CAPZA1: variants seen among roughly 807,000 people sequenced by gnomAD.
CAPZA1 encodes capping actin protein of muscle Z-line subunit alpha 1.
CAPZA1 carries 10 observed loss-of-function variants against 40.8 expected under a neutral mutation model. That is an observed-to-expected ratio of 0.25 (90% CI 0.15 to 0.42). CAPZA1 has a LOEUF of 0.42. CAPZA1 is among the 10% of genes least tolerant of loss of function. The probability of loss-of-function intolerance (pLI) is 1.00; values close to 1 mark genes in which losing one functional copy is unlikely to be tolerated. For synonymous variants in CAPZA1, 98 were observed against 115.0 expected (o/e 0.85, Z 0.95); for missense variants, 277 against 353.8 (o/e 0.78, Z 1.74).
intron 1 of CAPZA1, among the ~76,000 whole-genome samples, chr1:112,622,299 A>G (rs1338451954): frequency 2.0e-5 from 3 of 152,036 alleles, no homozygotes; most frequent in Non-Finnish European, 4.4e-5. Context: ...TATAAAGAGG[A>G]AGTTGGGTTT....
chr1:112,644,771 G>T (rs1485032006), intron 1 of CAPZA1, among the ~76,000 whole-genome samples: 1 of 152,028 alleles, frequency 6.6e-6, no homozygotes, highest in Non-Finnish European at 1.5e-5. Context: ...ACCCATTTGT[G>T]GTGAGTCCTA....
intron 1 of CAPZA1, among the ~76,000 whole-genome samples, chr1:112,645,096 G>A (rs1427995505): frequency 6.6e-6 from 1 of 152,236 alleles, no homozygotes; most frequent in East Asian, 1.9e-4. Context: ...CACATAGCCT[G>A]TGGACCTTAG....
intron 1 of CAPZA1, among the ~76,000 whole-genome samples, chr1:112,641,981 T>TA (rs74671105): frequency 0.21 from 31,394 of 150,970 alleles, 4,113 homozygotes; most frequent in East Asian, 0.47. Context: ...ATTTGTTGTT[T>TA]AAAAAAAAAC....
intron 1 of CAPZA1, among the ~76,000 whole-genome samples, chr1:112,628,823 T>G (rs115557328): frequency 1.1e-3 from 171 of 152,356 alleles, no homozygotes; most frequent in African/African-American, 3.8e-3. Flanking sequence ...TTGACTACTA[T>G]TTCTTTCACA....
chr1:112,668,931 A>G (rs1389505688), intron 8 of CAPZA1, among the ~76,000 whole-genome samples: 3 of 152,162 alleles, frequency 2.0e-5, no homozygotes, highest in Non-Finnish European at 4.4e-5. Flanking sequence ...AATAGTTTTG[A>G]CCTCATAGTC....
rs76726860 is a variant in CAPZA1, at chr1:112,649,445, A to G, written c.131A>G (p.Asn44Ser). ...GTTCGGCTACTACTTAATAATGACA[A>G]TCTCCTCAGGGAAGGGGCAGCACAG... is the stretch of plus-strand genomic sequence containing the variant. ...NDVRLLLNND[N>S]LLREGAAHAF... Residue 44 changes from asparagine (N) to serine (S), a missense_variant, in exon 3 of 10, where the codon AAT (asparagine) becomes AGT (serine). Physicochemically the swap from Asn to Ser is conservative, Grantham distance 46. This residue lies in a region of CAPZA1 where 85 missense variants were observed against 76.5 expected (regional missense o/e 1.11). Coordinates refer to ENST00000263168, the MANE Select transcript of CAPZA1 (RefSeq NM_006135.3). 302 of 1,612,832 alleles carry G rather than the reference A, an allele frequency of 1.9e-4. No homozygotes were observed. In the East Asian group the frequency reaches 5.7e-3, roughly 30 times the overall value.
At chr1:112,662,327 G>A (rs141882614) in intron 7 of CAPZA1, among the ~76,000 whole-genome samples, 91 of 149,992 alleles carry the variant, frequency 6.1e-4, no homozygotes, top group African/African-American at 2.2e-3. Context: ...CCCAGGCTGG[G>A]TTAATTTCTA....
chr1:112,660,877 AG>A (rs1259902764), intron 7 of CAPZA1, among the ~76,000 whole-genome samples: 1 of 120,884 alleles, frequency 8.3e-6, no homozygotes, highest in Non-Finnish European at 1.6e-5. Flanking sequence ...AAGGAGGAGA[AG>A]GAGGAGTCTC....
At chr1:112,635,793 A>G (rs1179471507) in intron 1 of CAPZA1, among the ~76,000 whole-genome samples, 1 of 152,116 alleles carries the variant, frequency 6.6e-6, no homozygotes, top group Non-Finnish European at 1.5e-5. Flanking sequence ...GCACTTTAGG[A>G]GGCTGAGGCA....
chr1:112,621,768 T>G (rs1005060540), intron 1 of CAPZA1, among the ~76,000 whole-genome samples: 1 of 149,428 alleles, frequency 6.7e-6, no homozygotes, highest in East Asian at 1.9e-4. Flanking sequence ...ATGGTTTTTT[T>G]TTTTTTTTTT....
chr1:112,661,431 C>G (rs1671605369), intron 7 of CAPZA1, among the ~76,000 whole-genome samples: 1 of 152,214 alleles, frequency 6.6e-6, no homozygotes, highest in Non-Finnish European at 1.5e-5. Context: ...TCTAAGGCTT[C>G]CTTCCCTTCT....
chr1:112,637,605 G>A (rs555368667), intron 1 of CAPZA1, among the ~76,000 whole-genome samples: 5 of 152,272 alleles, frequency 3.3e-5, no homozygotes, highest in African/African-American at 1.2e-4. Flanking sequence ...GTGCCACCAT[G>A]CCCGGCTAAA....
intron 1 of CAPZA1, among the ~76,000 whole-genome samples, chr1:112,622,603 G>T (rs1670698420): frequency 6.6e-6 from 1 of 152,116 alleles, no homozygotes; most frequent in Non-Finnish European, 1.5e-5. Context: ...AGTGTGACTA[G>T]CATATTTTTT....
At chr1:112,658,884 G>T in intron 5 of CAPZA1, 138 bp from the exon 6 acceptor site, 1 of 640,972 alleles carries the variant, frequency 1.6e-6, no homozygotes, top group Non-Finnish European at 2.8e-6. Context: ...CATATCCCAT[G>T]TGCACTATTG....
chr1:112,650,927 T>A (rs1412031317), intron 3 of CAPZA1, among the ~76,000 whole-genome samples: 2 of 152,258 alleles, frequency 1.3e-5, no homozygotes, highest in Non-Finnish European at 2.9e-5. Flanking sequence ...ATTCTGGTTC[T>A]TATAGACTAT....
chr1:112,663,850 G>T (rs989158763), intron 7 of CAPZA1, among the ~76,000 whole-genome samples: 1 of 152,092 alleles, frequency 6.6e-6, no homozygotes, highest in African/African-American at 2.4e-5. Flanking sequence ...CTCTTAGAAA[G>T]CCAAAAGGTA....
intron 7 of CAPZA1, among the ~76,000 whole-genome samples, chr1:112,663,110 G>C (rs183313122): frequency 2.6e-5 from 4 of 151,786 alleles, no homozygotes; most frequent in Non-Finnish European, 5.9e-5. Context: ...GCGTACAGGC[G>C]CATGCCACCA....
chr1:112,660,587 A>G (rs1671586947), intron 7 of CAPZA1, among the ~76,000 whole-genome samples: 1 of 147,984 alleles, frequency 6.8e-6, no homozygotes, highest in Admixed American at 6.7e-5. Context: ...GCCCAGAAGT[A>G]GATTTTTAAT....
intron 1 of CAPZA1, 22 bp downstream of exon 1, chr1:112,619,905 C>T: frequency 1.3e-6 from 2 of 1,593,536 alleles, no homozygotes; most frequent in South Asian, 1.1e-5. Context: ...GCCTCTCTCT[C>T]TTACCTCCTC....
Sources: allele counts gnomAD v4.1 joint callset (sites outside exome capture counted in the v4.1 genomes callset), GRCh38; gene constraint gnomAD v4.1.1; regional missense constraint gnomAD v4.1.1; transcripts MANE v1.5; gene names NCBI Gene and HGNC (gene_info 2026-07-23, HGNC 2026-07-21).